Variants in FAM20B observed in about 807,000 individuals in gnomAD.
FAM20B encodes glycosaminoglycan xylosylkinase.
A neutral mutation model predicts 43.8 loss-of-function variants in FAM20B; 23 were observed. That is an observed-to-expected ratio of 0.53 (90% CI 0.38 to 0.74). The LOEUF (loss-of-function observed/expected upper bound fraction) is 0.74, where lower values mean the gene tolerates loss of function less well. FAM20B is among the 30% of genes least tolerant of loss of function. FAM20B has a pLI of 0.00. For synonymous variants in FAM20B, 178 were observed against 192.4 expected, an observed-to-expected ratio of 0.93 and a Z score of 0.62; for missense variants, 440 against 510.5, an observed-to-expected ratio of 0.86 and a Z score of 1.33.
intron 3 of FAM20B, among the ~76,000 whole-genome samples, chr1:179,054,148 T>A (rs890551910): frequency 6.6e-6 from 1 of 152,044 alleles, no homozygotes; most frequent in African/African-American, 2.4e-5. Flanking sequence ...ATTTAAAGAT[T>A]TGAACCCATA....
intron 1 of FAM20B, among the ~76,000 whole-genome samples, chr1:179,036,253 A>G (rs1398858861): frequency 1.3e-5 from 2 of 152,380 alleles, no homozygotes; most frequent in East Asian, 3.9e-4. Flanking sequence ...CCAGAACTCC[A>G]GGCTGGGAGT....
chr1:179,039,759 A>G (rs1650403572), intron 1 of FAM20B, among the ~76,000 whole-genome samples: 1 of 150,442 alleles, frequency 6.6e-6, no homozygotes, highest in Admixed American at 6.6e-5. Context: ...TTTATTGATC[A>G]TTCTTGGGTG....
chr1:179,019,730 G>A, the FAM20B span, among the ~76,000 whole-genome samples: 1,315 of 152,208 alleles, frequency 8.6e-3, 9 homozygotes, highest in Middle Eastern at 0.027. Flanking sequence ...CCAAAGTGCC[G>A]AGATTACAGG....
At chr1:179,020,071 A>G in the FAM20B span, among the ~76,000 whole-genome samples, 1 of 152,050 alleles carries the variant, frequency 6.6e-6, no homozygotes, top group Non-Finnish European at 1.5e-5. Context: ...CCTTCCAGGA[A>G]AGGATCACAA....
chr1:179,040,481 G>A (rs1446889135), intron 1 of FAM20B, among the ~76,000 whole-genome samples: 1 of 149,232 alleles, frequency 6.7e-6, no homozygotes, highest in Non-Finnish European at 1.5e-5. Flanking sequence ...GGCTAGCCGG[G>A]CGGGGGGCTG....
intron 6 of FAM20B, among the ~76,000 whole-genome samples, chr1:179,066,085 G>A (rs1651678117): frequency 6.6e-6 from 1 of 152,116 alleles, no homozygotes; most frequent in Admixed American, 6.6e-5. Flanking sequence ...AATTTGAGGG[G>A]GACACAAACA....
intron 2 of FAM20B, among the ~76,000 whole-genome samples, chr1:179,046,584 G>A (rs1397355667): frequency 2.0e-5 from 3 of 152,134 alleles, no homozygotes; most frequent in African/African-American, 2.4e-5. Flanking sequence ...CCTGGGAGGC[G>A]AAGGTTGCGG....
chr1:179,068,710 A>C (rs1651794366), intron 7 of FAM20B, among the ~76,000 whole-genome samples: 1 of 152,210 alleles, frequency 6.6e-6, no homozygotes, highest in Non-Finnish European at 1.5e-5. Flanking sequence ...CTGGCATTAC[A>C]GGCGTGAGCC....
Position 179,050,293 on chromosome 1 carries a change from A to G in FAM20B, c.392A>G (p.His131Arg), listed in dbSNP as rs761805950. The G allele has an allele frequency of 2.5e-5, 41 of 1,613,516 alleles. No homozygotes were observed. The highest frequency in any genetic ancestry group is 2.6e-5 in the Non-Finnish European group (31 of 1,179,568). ...VFKPKRYSRD[H>R]VVEGEPYAGY... is the part of the protein sequence containing the mutation. ...TCACTTTGCAGGTATAGCCGAGACCATGTGGTGGAAGGGGAACCGTATGCT... is the reference window on the plus strand; with the variant it reads ...TCACTTTGCAGGTATAGCCGAGACCGTGTGGTGGAAGGGGAACCGTATGCT... The change falls in exon 3 of 8, where the codon CAT becomes CGT. Residue 131 changes from histidine to arginine, a missense_variant. By Grantham distance (29) the His-to-Arg change is conservative. Coordinates refer to ENST00000263733, the MANE Select transcript of FAM20B (RefSeq NM_014864.4).
At position 179,028,900 on chromosome 1, in the gene FAM20B, G is replaced by GA. The variant is rs200770380; in HGVS notation, c.-134+2811dup. 2.3e-3 allele frequency among the ~76,000 whole-genome samples: 354 copies of GA among 150,950 alleles called. 2 individuals carry two copies. The highest frequency in any genetic ancestry group is 8.1e-3 in the African/African-American group (333 of 41,184). On this transcript the variant is annotated intron_variant, in intron 1 of 7. Coordinates refer to ENST00000263733, the MANE Select transcript of FAM20B (RefSeq NM_014864.4). ...TATTTAGTTCCTCTTTTTGTCAAAAGAAAAAAAAAGCGTAGAAAATGTGTT... is the reference window on the plus strand; with the variant it reads ...TATTTAGTTCCTCTTTTTGTCAAAAGAAAAAAAAAAGCGTAGAAAATGTGTT...
In FAM20B at chr1:179,026,069, C is replaced by A. The variant is rs1649754446; in HGVS notation, c.-163C>A. The A allele has an allele frequency of 7.4e-6, 1 of 135,118 alleles. No homozygotes were observed. The highest frequency in any genetic ancestry group is 1.6e-5 in the Non-Finnish European group (1 of 62,976). 8.4% of individuals were successfully genotyped at this position (135,118 alleles called of 1,614,324 possible). On this transcript the variant is annotated 5_prime_UTR_variant, in exon 1 of 8. Coordinates refer to ENST00000263733, the MANE Select transcript of FAM20B (RefSeq NM_014864.4). ...GCCGCGCCGCACCGCACCGCGCGGG[C>A]GGCCATGGAGCGAGCCTAGGGCCCG...
chr1:179,035,471 A>G (rs776898071), intron 1 of FAM20B: 1 of 700,864 alleles, frequency 1.4e-6, no homozygotes, highest in Non-Finnish European at 2.6e-6. Context: ...GGAAGCACAT[A>G]GGCATTGAAG....
chr1:179,064,331 A>C lies in FAM20B; in HGVS notation c.773A>C (p.Asp258Ala). Residue 258 changes from aspartate (D) to alanine (A), a missense_variant, in exon 6 of 8, where the codon GAT becomes GCT. Coordinates refer to ENST00000263733, the MANE Select transcript of FAM20B (RefSeq NM_014864.4). ...TGGGAGTATGATGAGAGCTACTGTG[A>C]TGCTGTGAAGAAAACGTCCCCTTAT... Reference protein sequence around the residue: ...ARWEYDESYCDAVKKTSPYDS... With the variant: ...ARWEYDESYCAAVKKTSPYDS... The C allele has an allele frequency of 6.2e-7, 1 of 1,612,514 alleles. No individual in the cohort carries two copies. Among genetic ancestry groups the C allele is most frequent in the South Asian group, 1.1e-5 (1 of 90,928 alleles).
rs1313891919 is a variant in FAM20B at position 179,071,922 on chromosome 1, G to A, written c.1008G>A (p.Val336=). The A allele has an allele frequency of 1.2e-6, 2 of 1,612,496 alleles. No individual in the cohort carries two copies. The highest frequency in any genetic ancestry group is 3.3e-5 in the Admixed American group (2 of 59,942). The change falls in exon 8 of 8, where the codon GTG becomes GTA. Residue 336 remains valine (V), a synonymous_variant. Coordinates refer to ENST00000263733, the MANE Select transcript of FAM20B (RefSeq NM_014864.4). ...APLYQCCIIR[V]STWNRLNYLK... is the part of the protein sequence containing the mutation. ...TAACTTTTTCTCCCAGCATTCGGGT[G>A]TCCACCTGGAACAGACTGAACTACC...
At chr1:179,048,786 G>A (rs1650882916) in intron 2 of FAM20B, among the ~76,000 whole-genome samples, 1 of 152,194 alleles carries the variant, frequency 6.6e-6, no homozygotes, top group African/African-American at 2.4e-5. Context: ...CCAACCAGAA[G>A]GTGATACATG....
At chr1:179,026,646 C>T (rs899427802) in intron 1 of FAM20B, among the ~76,000 whole-genome samples, 1 of 152,230 alleles carries the variant, frequency 6.6e-6, no homozygotes, top group African/African-American at 2.4e-5. Context: ...GCCCGGGGCC[C>T]GCGGTCTCCT....
chr1:179,031,104 A>G (rs940620359), intron 1 of FAM20B, among the ~76,000 whole-genome samples: 1 of 152,200 alleles, frequency 6.6e-6, no homozygotes, highest in Non-Finnish European at 1.5e-5. Context: ...GTGGTTTTCC[A>G]AGAACTGTAG....
At chr1:179,056,236 A>G (rs1651214391) in intron 4 of FAM20B, among the ~76,000 whole-genome samples, 1 of 152,200 alleles carries the variant, frequency 6.6e-6, no homozygotes, top group South Asian at 2.1e-4. Flanking sequence ...ACATCATTAT[A>G]GTATCACACA....
At chr1:179,044,304 A>T in intron 2 of FAM20B, 80 bp downstream of exon 2, 1 of 1,470,662 alleles carries the variant, frequency 6.8e-7, no homozygotes, top group Non-Finnish European at 9.1e-7. Context: ...TTATTTTGTC[A>T]TCTTCTCTTG....
Sources: gnomAD v4.1 joint callset for allele counts (sites outside exome capture counted in the v4.1 genomes callset) on GRCh38, gnomAD v4.1.1 for gene constraint, MANE v1.5 for transcripts, NCBI Gene and HGNC (gene_info 2026-07-23, HGNC 2026-07-21) for gene names.